NOL10: variants seen among roughly 807,000 people sequenced by gnomAD.
The protein encoded by NOL10 is H_NH0074G24.1.
NOL10 carries 58 observed loss-of-function variants against 103.5 expected under a neutral mutation model. The ratio of observed to expected loss-of-function variants is 0.56; its 90% CI spans 0.45 to 0.70. The LOEUF (loss-of-function observed/expected upper bound fraction) is 0.70, where lower values mean the gene tolerates loss of function less well. Ranked by LOEUF, NOL10 falls within the 30% of genes least tolerant of loss-of-function variation. The pLI, the probability that NOL10 is intolerant of heterozygous loss-of-function variation, is 0.00. For synonymous variants in NOL10, 287 were observed against 282.5 expected, an observed-to-expected ratio of 1.02 and a Z score of -0.16; for missense variants, 763 against 807.3, an observed-to-expected ratio of 0.95 and a Z score of 0.67.
At chr2:10,624,600 T>C (rs968415252) in intron 13 of NOL10, among the ~76,000 whole-genome samples, 1 of 151,692 alleles carries the variant, frequency 6.6e-6, no homozygotes, top group Non-Finnish European at 1.5e-5. Context: ...ATGTAGACAG[T>C]ATACATCACT....
At chr2:10,631,412 C>T (rs992138417) in intron 13 of NOL10, among the ~76,000 whole-genome samples, 10 of 152,146 alleles carry the variant, frequency 6.6e-5, no homozygotes, top group Non-Finnish European at 1.0e-4. Context: ...AGATGCAAAG[C>T]CAACTTCTGC....
chr2:10,645,049 C>T (rs1678959428), intron 12 of NOL10, among the ~76,000 whole-genome samples: 1 of 152,132 alleles, frequency 6.6e-6, no homozygotes, highest in African/African-American at 2.4e-5. Context: ...AACCAGCAAG[C>T]CTTTGACCAG....
At chr2:10,661,303 G>C (rs915765443) in intron 9 of NOL10, among the ~76,000 whole-genome samples, 2 of 151,016 alleles carry the variant, frequency 1.3e-5, no homozygotes, top group Admixed American at 6.6e-5. Context: ...TCAAACTCCC[G>C]ACCTCAGGTA....
chr2:10,666,388 C>G (rs2148332871), intron 8 of NOL10, among the ~76,000 whole-genome samples: 1 of 152,142 alleles, frequency 6.6e-6, no homozygotes, highest in Non-Finnish European at 1.5e-5. Flanking sequence ...GCTCTGTCAC[C>G]CAGGCGGGAG....
At chr2:10,660,977 A>G (rs1398169297) in intron 9 of NOL10, among the ~76,000 whole-genome samples, 1 of 151,796 alleles carries the variant, frequency 6.6e-6, no homozygotes, top group Non-Finnish European at 1.5e-5. Context: ...ACCAAATCAG[A>G]AAAAAAACCC....
intron 13 of NOL10, among the ~76,000 whole-genome samples, chr2:10,613,825 T>C (rs1056669084): frequency 2.6e-5 from 4 of 152,066 alleles, no homozygotes; most frequent in Admixed American, 2.0e-4. Flanking sequence ...TATAGAACTG[T>C]TTTCAGGACA....
chr2:10,595,317 T>A (rs1418224819), intron 17 of NOL10, among the ~76,000 whole-genome samples: 2 of 133,230 alleles, frequency 1.5e-5, no homozygotes, highest in Non-Finnish European at 3.3e-5. Flanking sequence ...AATGTTTAGG[T>A]TTTTTTTGTT....
chr2:10,658,166 AT>A (rs1205599424), intron 10 of NOL10, among the ~76,000 whole-genome samples: 5 of 152,356 alleles, frequency 3.3e-5, no homozygotes, highest in Non-Finnish European at 7.3e-5. Flanking sequence ...TAAGAATTTA[AT>A]TTGTTCAACA....
Position 10,598,170 on chromosome 2 carries a change from G to A in NOL10, c.1422+2683C>T, listed in dbSNP as rs145078529. ...TTCATAAAGTATAACTCCACAGCGA[G>A]CTCTTTAGTCCACAAATCCCTACGT... On this transcript the variant is annotated intron_variant, in intron 17 of 20. Transcript: ENST00000381685. 4.2e-3 allele frequency among the ~76,000 whole-genome samples: 646 copies of A among 152,272 alleles called. 3 individuals are homozygous for A. The highest frequency in any genetic ancestry group is 6.8e-3 in the Middle Eastern group (2 of 294).
intron 19 of NOL10, among the ~76,000 whole-genome samples, chr2:10,578,359 T>C (rs1307375246): frequency 6.6e-6 from 1 of 152,398 alleles, no homozygotes; most frequent in Non-Finnish European, 1.5e-5. Flanking sequence ...AATTACACTT[T>C]GGGTAACTGT....
Position 10,572,155 on chromosome 2 carries a change from T to G in NOL10, c.1983A>C (p.Lys661Asn), listed in dbSNP as rs1446972147. The G allele has an allele frequency of 6.2e-7, 1 of 1,614,004 alleles. No homozygotes were observed. The highest frequency in any genetic ancestry group is 1.1e-5 in the South Asian group (1 of 91,080). The change falls in exon 21 of 21, where the codon AAA (lysine) becomes AAC (asparagine). Residue 661 changes from lysine (K) to asparagine (N), a missense_variant. Physicochemically the swap from Lys to Asn is moderately conservative, Grantham distance 94. Coordinates refer to ENST00000381685, the MANE Select transcript of NOL10 (RefSeq NM_024894.4). ...EQQKKQQEAE[K>N]LHRQERKRLR... ...GTCTTTTCCTTTCTTGTCGATGCAG[T>G]TTCTCAGCCTCCTGTTGCTTCTTCT... is the stretch of plus-strand genomic sequence containing the variant.
chr2:10,647,019 G>C (rs184253778), intron 12 of NOL10, among the ~76,000 whole-genome samples: 3 of 152,138 alleles, frequency 2.0e-5, no homozygotes, highest in Non-Finnish European at 4.4e-5. Flanking sequence ...GTAATAGTAC[G>C]TGACAGTACG....
chr2:10,598,689 T>C (rs1212899970), intron 17 of NOL10, among the ~76,000 whole-genome samples: 1 of 152,106 alleles, frequency 6.6e-6, no homozygotes, highest in Non-Finnish European at 1.5e-5. Context: ...TATCCAAACT[T>C]AGAAAGTGAG....
At chr2:10,660,805 CTT>C (rs1300654026) in intron 9 of NOL10, among the ~76,000 whole-genome samples, 1 of 151,964 alleles carries the variant, frequency 6.6e-6, no homozygotes, top group African/African-American at 2.4e-5. Flanking sequence ...GGCACAGAAA[CTT>C]ATGTCATCTG....
intron 17 of NOL10, among the ~76,000 whole-genome samples, chr2:10,597,310 T>C (rs1285641675): frequency 6.6e-6 from 1 of 152,186 alleles, no homozygotes; most frequent in Non-Finnish European, 1.5e-5. Flanking sequence ...AGGAACACAT[T>C]TCACTGTCTC....
At chr2:10,607,148 GT>G in intron 14 of NOL10, 36 bp downstream of exon 14, 1 of 1,391,968 alleles carries the variant, frequency 7.2e-7, no homozygotes, top group Non-Finnish European at 9.7e-7. Flanking sequence ...TAGAAATAAA[GT>G]AATTACATAA....
intron 13 of NOL10, among the ~76,000 whole-genome samples, chr2:10,623,631 C>G (rs1861299): frequency 0.31 from 46,651 of 152,036 alleles, 7,902 homozygotes; most frequent in Non-Finnish European, 0.39. Flanking sequence ...TGATATCCCA[C>G]CCTTGGTCCT....
chr2:10,668,937 G>C (rs1680730523), intron 6 of NOL10, among the ~76,000 whole-genome samples: 1 of 152,004 alleles, frequency 6.6e-6, no homozygotes, highest in African/African-American at 2.4e-5. Flanking sequence ...GAAATATGAA[G>C]TCATTACGTA....
intron 20 of NOL10, among the ~76,000 whole-genome samples, chr2:10,573,514 C>T (rs1488479429): frequency 6.6e-6 from 1 of 152,088 alleles, no homozygotes; most frequent in Admixed American, 6.6e-5. Flanking sequence ...TTCTACACAC[C>T]TAACAAAACA....
Sources: gnomAD v4.1 joint callset for allele counts (sites outside exome capture counted in the v4.1 genomes callset) on GRCh38, gnomAD v4.1.1 for gene constraint, MANE v1.5 for transcripts, NCBI Gene and HGNC (gene_info 2026-07-23, HGNC 2026-07-21) for gene names.